MIPEP: variants seen among roughly 807,000 people sequenced by gnomAD.
MIPEP encodes the protein mitochondrial intermediate peptidase.
In MIPEP, 79 loss-of-function variants were observed where a neutral mutation model predicts 90.3. The ratio of observed to expected loss-of-function variants is 0.87; its 90% CI spans 0.73 to 1.05. The LOEUF (loss-of-function observed/expected upper bound fraction) is 1.05. Among genes scored for constraint, MIPEP ranks in the 50% least tolerant of loss-of-function variants. The pLI, the probability that MIPEP is intolerant of heterozygous loss-of-function variation, is 0.00. For missense variants in MIPEP, 940 were observed against 905.6 expected, an observed-to-expected ratio of 1.04 and a Z score of -0.49; for synonymous variants, 334 against 315.8, an observed-to-expected ratio of 1.06 and a Z score of -0.61.
At chr13:23,878,873 G>T (rs1193927411) in intron 4 of MIPEP, among the ~76,000 whole-genome samples, 4 of 152,162 alleles carry the variant, frequency 2.6e-5, no homozygotes, top group Non-Finnish European at 5.9e-5. Context: ...ACTGTCTACA[G>T]GAGTCCACTC....
intron 16 of MIPEP, among the ~76,000 whole-genome samples, chr13:23,792,605 A>G (rs1307292880): frequency 6.6e-6 from 1 of 152,154 alleles, no homozygotes; most frequent in Non-Finnish European, 1.5e-5. Flanking sequence ...CGATCCTCTC[A>G]TCTTGGCCTC....
intron 16 of MIPEP, among the ~76,000 whole-genome samples, chr13:23,771,734 A>C (rs1593144648): frequency 6.6e-6 from 1 of 152,196 alleles, no homozygotes; most frequent in Non-Finnish European, 1.5e-5. Context: ...TGGTGTTTGC[A>C]CAGCCACATC....
At chr13:23,829,077 A>C (rs1868611317) in intron 14 of MIPEP, among the ~76,000 whole-genome samples, 1 of 152,244 alleles carries the variant, frequency 6.6e-6, no homozygotes, top group African/African-American at 2.4e-5. Flanking sequence ...AAGAAAGGGT[A>C]AATTACTCAC....
At chr13:23,843,661 T>C (rs1264398421) in intron 10 of MIPEP, among the ~76,000 whole-genome samples, 4 of 152,174 alleles carry the variant, frequency 2.6e-5, no homozygotes, top group Non-Finnish European at 5.9e-5. Context: ...TTTTCTGGAA[T>C]GCTGCACAGT....
chr13:23,830,360 A>C (rs1868682060), intron 14 of MIPEP, among the ~76,000 whole-genome samples: 1 of 152,208 alleles, frequency 6.6e-6, no homozygotes, highest in Non-Finnish European at 1.5e-5. Flanking sequence ...AAAAAACTGA[A>C]CACCACACTT....
At chr13:23,828,204 CAACA>C (rs1868557244) in intron 14 of MIPEP, among the ~76,000 whole-genome samples, 1 of 152,168 alleles carries the variant, frequency 6.6e-6, no homozygotes, top group African/African-American at 2.4e-5. Context: ...CTGATATCTC[CAACA>C]AACCTATAAC....
rs147027652 is a variant in MIPEP at position 23,814,248 on chromosome 13, A to C, written c.1654-4324T>G. On this transcript the variant is annotated intron_variant, in intron 14 of 18. Coordinates refer to ENST00000382172, the MANE Select transcript of MIPEP (RefSeq NM_005932.4). ...CTTCTGAGGATATGGACACTACCAT[A>C]GTTATTAAAAACAAATTTTTTTTTT... Among the ~76,000 whole-genome samples the C allele has an allele frequency of 9.1e-4, 139 of 152,274 alleles. 1 individual carries two copies. In the East Asian group the frequency reaches 0.024, roughly 26 times the overall value.
At chr13:23,860,445 C>T (rs551401071) in intron 9 of MIPEP, among the ~76,000 whole-genome samples, 1 of 152,260 alleles carries the variant, frequency 6.6e-6, no homozygotes, top group South Asian at 2.1e-4. Context: ...ATCACATGAG[C>T]ATCACACAGG....
chr13:23,806,758 A>G (rs1240282322), intron 15 of MIPEP, among the ~76,000 whole-genome samples: 2 of 151,014 alleles, frequency 1.3e-5, no homozygotes, highest in Non-Finnish European at 2.9e-5. Context: ...CTATCTATCT[A>G]TCTATCTGTA....
intron 5 of MIPEP, among the ~76,000 whole-genome samples, chr13:23,872,216 C>A (rs561670262): frequency 2.0e-5 from 3 of 152,226 alleles, no homozygotes; most frequent in Non-Finnish European, 4.4e-5. Context: ...AATCCCAGAA[C>A]TTTGGGAGGC....
At chr13:23,863,626 T>C (rs952884107) in intron 8 of MIPEP, among the ~76,000 whole-genome samples, 1 of 152,072 alleles carries the variant, frequency 6.6e-6, no homozygotes, top group Non-Finnish European at 1.5e-5. Context: ...ATCCAAAACA[T>C]GTGTGGTCCC....
intron 16 of MIPEP, among the ~76,000 whole-genome samples, chr13:23,761,418 C>T (rs373447802): frequency 1.7e-4 from 26 of 152,184 alleles, no homozygotes; most frequent in African/African-American, 5.1e-4. Flanking sequence ...CCACTTGGAA[C>T]GCCTGGTCAT....
Position 23,778,867 on chromosome 13 carries a change from T to C in MIPEP, c.1849-18650A>G, listed in dbSNP as rs553250705. On this transcript the variant is annotated intron_variant, in intron 16 of 18. Transcript: ENST00000382172. ...AAGATCTCACGCCTAGCTCACCTGA[T>C]TCTACAACACCACACTCTACAGTAT... 2.0e-5 allele frequency among the ~76,000 whole-genome samples: 3 copies of C among 152,302 alleles called. No homozygotes were observed. The East Asian group carries it at 5.8e-4, about 29-fold the overall frequency.
intron 18 of MIPEP, among the ~76,000 whole-genome samples, chr13:23,730,824 G>A (rs1034203542): frequency 6.6e-6 from 1 of 152,052 alleles, no homozygotes; most frequent in Non-Finnish European, 1.5e-5. Context: ...ATCAAGTTTT[G>A]TTATCAAGTT....
intron 2 of MIPEP, among the ~76,000 whole-genome samples, chr13:23,882,875 T>C (rs1203440828): frequency 3.9e-5 from 6 of 152,068 alleles, no homozygotes; most frequent in Non-Finnish European, 8.8e-5. Context: ...TTTTACAAAT[T>C]ACTAATCTAC....
At chr13:23,849,386 A>G (rs892770735) in intron 10 of MIPEP, among the ~76,000 whole-genome samples, 1 of 152,226 alleles carries the variant, frequency 6.6e-6, no homozygotes, top group East Asian at 1.9e-4. Context: ...ACTCTTCTAC[A>G]GTTTTACAAG....
intron 16 of MIPEP, among the ~76,000 whole-genome samples, chr13:23,793,975 A>C (rs538746518): frequency 2.0e-5 from 3 of 152,128 alleles, no homozygotes; most frequent in Admixed American, 1.3e-4. Context: ...GAGGGTTTTA[A>C]GGGAAGGGAC....
intron 16 of MIPEP, among the ~76,000 whole-genome samples, chr13:23,775,141 G>C (rs933634389): frequency 6.6e-6 from 1 of 151,718 alleles, no homozygotes; most frequent in Non-Finnish European, 1.5e-5. Context: ...GTGTGTGTGT[G>C]TGTGTGTGTG....
At chr13:23,788,305 T>A (rs1315843093) in intron 16 of MIPEP, among the ~76,000 whole-genome samples, 1 of 152,238 alleles carries the variant, frequency 6.6e-6, no homozygotes, top group Non-Finnish European at 1.5e-5. Flanking sequence ...CATATTAGGC[T>A]ATGCTATGTT....
Sources: allele counts gnomAD v4.1 joint callset (sites outside exome capture counted in the v4.1 genomes callset), GRCh38; gene constraint gnomAD v4.1.1; transcripts MANE v1.5; gene names NCBI Gene and HGNC (gene_info 2026-07-23, HGNC 2026-07-21).